RNF6: variants seen among roughly 807,000 people sequenced by gnomAD.
The protein encoded by RNF6 is E3 ubiquitin-protein ligase RNF6.
RNF6 carries 21 observed loss-of-function variants against 50.1 expected under a neutral mutation model. The ratio of observed to expected loss-of-function variants is 0.42; its 90% CI spans 0.30 to 0.60. RNF6 has a LOEUF of 0.60. Among genes scored for constraint, RNF6 ranks in the 20% least tolerant of loss-of-function variants. The pLI is 0.20. For synonymous variants in RNF6, 255 were observed against 291.8 expected, an observed-to-expected ratio of 0.87 and a Z score of 1.29; for missense variants, 698 against 838.2, an observed-to-expected ratio of 0.83 and a Z score of 2.07.
In RNF6 at chr13:26,161,969, T is replaced by G. The variant is rs545308784; in HGVS notation, n.769-29518A>C. Among the ~76,000 whole-genome samples the G allele has an allele frequency of 5.3e-5, 8 of 152,322 alleles. No individual in the cohort carries two copies. In the South Asian group the frequency reaches 1.5e-3, roughly 28 times the overall value. ...CTATTACTTTCATATACTGAGCAAT[T>G]TAAACCTTTTGTCTAAACATTACCT... On this transcript the variant is annotated intron_variant and non_coding_transcript_variant, in intron 5 of 5. Coordinates refer to the RNF6 transcript ENST00000468480.
chr13:26,153,930 A>G (rs779243183), intron 5 of RNF6: 4 of 152,220 alleles, frequency 2.6e-5, no homozygotes, highest in Non-Finnish European at 5.9e-5. Context: ...ATACTGTAAG[A>G]AAAGAATTCT....
intron 5 of RNF6, among the ~76,000 whole-genome samples, chr13:26,174,569 A>G (rs1872861500): frequency 6.6e-6 from 1 of 152,142 alleles, no homozygotes; most frequent in African/African-American, 2.4e-5. Flanking sequence ...AGGCTGAGGC[A>G]GGAGAATCAC....
downstream of RNF6, among the ~76,000 whole-genome samples, chr13:26,210,522 CCATT>C (rs1227837011): frequency 6.6e-6 from 1 of 152,134 alleles, no homozygotes; most frequent in African/African-American, 2.4e-5. Context: ...CTCTTCTCCT[CCATT>C]CATGAGACAG....
chr13:26,209,805 GGCA>G (rs946997923), downstream of RNF6, among the ~76,000 whole-genome samples: 1 of 148,350 alleles, frequency 6.7e-6, no homozygotes, highest in African/African-American at 2.4e-5. Context: ...ATATATACTG[GGCA>G]GCCAAGAAGT....
chr13:26,179,221 T>C (rs1810722), intron 5 of RNF6, among the ~76,000 whole-genome samples: 56,858 of 151,824 alleles, frequency 0.37, 11,715 homozygotes, highest in East Asian at 0.7. Flanking sequence ...ATAGCAGTCA[T>C]ACCTGTACAA....
downstream of RNF6, among the ~76,000 whole-genome samples, chr13:26,209,485 C>T (rs189254088): frequency 7.4e-4 from 112 of 152,312 alleles, no homozygotes; most frequent in Middle Eastern, 3.4e-3. Flanking sequence ...TTCACTGTAT[C>T]GGGTAGGCAG....
At chr13:26,189,337 G>C (rs950541416) in intron 5 of RNF6, among the ~76,000 whole-genome samples, 6 of 132,150 alleles carry the variant, frequency 4.5e-5, no homozygotes, top group African/African-American at 1.5e-4. Context: ...CAAAAAAAAC[G>C]CTTCCTATTG....
intron 5 of RNF6, among the ~76,000 whole-genome samples, chr13:26,175,656 A>T (rs1453304357): frequency 1.3e-5 from 2 of 152,190 alleles, no homozygotes; most frequent in Non-Finnish European, 2.9e-5. Context: ...GAAAGTGATG[A>T]AAACCTGGGA....
chr13:26,207,717 G>A (rs985671436), intron 5 of RNF6, among the ~76,000 whole-genome samples: 1 of 152,190 alleles, frequency 6.6e-6, no homozygotes, highest in African/African-American at 2.4e-5. Flanking sequence ...CCTAAACTGA[G>A]TTCTCAACCT....
chr13:26,213,660 A>G lies in RNF6; in HGVS notation c.*164T>C. ...TTAACATTTGTATTTTAAATTTTAT[A>G]TAAATTTCTTTTTAACAAGTTTAAA... On this transcript the variant is annotated 3_prime_UTR_variant, in exon 5 of 5. Transcript: ENST00000381588. The G allele has an allele frequency of 2.1e-6, 1 of 469,680 alleles. No individual in the cohort carries two copies. Among genetic ancestry groups the G allele is most frequent in the Non-Finnish European group, 3.6e-6 (1 of 274,538 alleles). 29.1% of individuals were successfully genotyped at this position (469,680 alleles called of 1,614,324 possible).
At chr13:26,180,176 C>G (rs889709004) in intron 5 of RNF6, among the ~76,000 whole-genome samples, 1 of 152,162 alleles carries the variant, frequency 6.6e-6, no homozygotes, top group Non-Finnish European at 1.5e-5. Context: ...CCAAATAGCT[C>G]CAGCTGTAGT....
At chr13:26,163,743 A>AT (rs1872321678) in intron 5 of RNF6, among the ~76,000 whole-genome samples, 1 of 152,136 alleles carries the variant, frequency 6.6e-6, no homozygotes, top group South Asian at 2.1e-4. Context: ...ATTTATTGTT[A>AT]TACTTAAGAA....
intron 5 of RNF6, among the ~76,000 whole-genome samples, chr13:26,175,622 C>G (rs540872118): frequency 6.6e-6 from 1 of 152,100 alleles, no homozygotes; most frequent in Non-Finnish European, 1.5e-5. Flanking sequence ...GCAGAGGCAC[C>G]GTGGTGCAGG....
chr13:26,212,034 T>C (rs1279381953), downstream of RNF6, among the ~76,000 whole-genome samples: 1 of 152,156 alleles, frequency 6.6e-6, no homozygotes, highest in Non-Finnish European at 1.5e-5. Flanking sequence ...TTGCCACCAT[T>C]CTAGGGTAGA....
chr13:26,177,754 C>A (rs138037036), intron 5 of RNF6, among the ~76,000 whole-genome samples: 46 of 152,382 alleles, frequency 3.0e-4, no homozygotes, highest in African/African-American at 1.1e-3. Context: ...TCTACCATCT[C>A]TGCCAAAAGG....
intron 5 of RNF6, among the ~76,000 whole-genome samples, chr13:26,178,364 C>T (rs1593169437): frequency 2.6e-5 from 4 of 151,968 alleles, no homozygotes; most frequent in Admixed American, 6.6e-5. Flanking sequence ...TGTGGTGAAA[C>T]GGGAGAGGGG....
chr13:26,197,018 T>C (rs1868693789), intron 5 of RNF6, among the ~76,000 whole-genome samples: 1 of 151,900 alleles, frequency 6.6e-6, no homozygotes, highest in Non-Finnish European at 1.5e-5. Flanking sequence ...AAGTTAAATA[T>C]GGGAAGTGGG....
chr13:26,148,665 T>TATATATATATATATGA (rs1871391990), intron 5 of RNF6, among the ~76,000 whole-genome samples: 2 of 127,870 alleles, frequency 1.6e-5, no homozygotes, highest in Non-Finnish European at 3.4e-5. Flanking sequence ...TATATATATA[T>TATATATATATATATGA]ATATATGAGG....
At chr13:26,187,284 C>T (rs1251819512) in intron 5 of RNF6, among the ~76,000 whole-genome samples, 2 of 144,482 alleles carry the variant, frequency 1.4e-5, no homozygotes, top group Non-Finnish European at 3.2e-5. Flanking sequence ...GGGGAAAGCC[C>T]TGGAAAATTA....
Sources: allele counts gnomAD v4.1 joint callset (sites outside exome capture counted in the v4.1 genomes callset), GRCh38; gene constraint gnomAD v4.1.1; transcripts MANE v1.5; gene names NCBI Gene and HGNC (gene_info 2026-07-23, HGNC 2026-07-21).